AGAP1: variants seen among roughly 807,000 people sequenced by gnomAD.
AGAP1 encodes arf-GAP with GTPase, ANK repeat and PH domain-containing protein 1.
AGAP1 carries 29 observed loss-of-function variants against 105.3 expected under a neutral mutation model. The observed-to-expected ratio is 0.28, with a 90% CI of 0.21 to 0.38. The LOEUF is 0.38. AGAP1 is among the 10% of genes least tolerant of loss of function. The pLI is 1.00. For missense variants in AGAP1, 998 were observed against 1,165.1 expected (o/e 0.86, Z 2.09); for synonymous variants, 509 against 485.9 (o/e 1.05, Z -0.63).
At position 236,039,030 on chromosome 2, in the gene AGAP1, T is replaced by C. The variant is rs369318209; in HGVS notation, c.1801-1721T>C. On this transcript the variant is annotated intron_variant, in intron 14 of 17. Transcript: ENST00000304032. ...ATTATTTCACATCAATTTGATGAGA[T>C]GTTTCAATTTATGAAGAATTCTTAC... 1.5e-3 allele frequency among the ~76,000 whole-genome samples: 235 copies of C among 152,356 alleles called. 2 individuals carry two copies. The highest frequency in any genetic ancestry group is 5.2e-3 in the African/African-American group (218 of 41,584).
chr2:235,932,916 G>A (rs1298186939), intron 12 of AGAP1, among the ~76,000 whole-genome samples: 4 of 152,138 alleles, frequency 2.6e-5, no homozygotes, highest in Non-Finnish European at 4.4e-5. Flanking sequence ...GACTAAAGTC[G>A]CCTACGTTTG....
Position 235,769,250 on chromosome 2 carries a change from C to T in AGAP1, c.673+18762C>T, listed in dbSNP as rs1308819668. On this transcript the variant is annotated intron_variant, in intron 6 of 17. Coordinates refer to ENST00000304032, the MANE Select transcript of AGAP1 (RefSeq NM_001037131.3). The surrounding 1 kb of genome is among the most constrained non-coding windows in gnomAD (Gnocchi z 4.4). Reference sequence around the variant, plus strand: ...TGGCACGGTGCCCTCCAGGAGTACTCCTGGGATTGGTGGCAGGTCATGCAG... The same window carrying T: ...TGGCACGGTGCCCTCCAGGAGTACTTCTGGGATTGGTGGCAGGTCATGCAG... Among the ~76,000 whole-genome samples, 1 of 152,192 alleles carries T rather than the reference C, an allele frequency of 6.6e-6. No individual in the cohort carries two copies.
At position 235,718,300 on chromosome 2, in the gene AGAP1, G is replaced by C. The variant is rs867127706; in HGVS notation, c.310+656G>C. The C allele has an allele frequency of 7.4e-5, 66 of 896,844 alleles. No individual in the cohort carries two copies. In the Admixed American group the frequency reaches 1.1e-3, roughly 14 times the overall value. The allele number at this position is 896,844 out of a possible 1,614,324, so 55.6% of individuals were successfully genotyped here. ...GTTTTCTAAATGAAATTTTCTCTCC[G>C]TGTAACTTTGTTAAATCCAACTCTG... On this transcript the variant is annotated intron_variant, in intron 3 of 17. Transcript: ENST00000304032.
In AGAP1 at chr2:236,129,485, CAG is replaced by C. The variant is rs1385938659; in HGVS notation, c.*5368_*5369del. On this transcript the variant is annotated 3_prime_UTR_variant, in exon 18 of 18. Transcript: ENST00000304032. This position sits in a 1 kb window ranked among gnomAD's most constrained non-coding sequence, Gnocchi z 6.2. ...CTCAGACTGGTCCTTCCGACACAGG[CAG>C]AGAGTGAACTGGATCGCTGGCCCCT... 2.0e-5 allele frequency: 3 copies of C among 152,226 alleles called. No homozygotes were observed. Among genetic ancestry groups the C allele is most frequent in the Non-Finnish European group, 4.4e-5 (3 of 68,070 alleles). 9.4% of individuals were successfully genotyped at this position (152,226 alleles called of 1,614,324 possible). A position where few individuals can be genotyped will look rare whatever the true frequency, so the allele number is the denominator to read the frequency against.
intron 1 of AGAP1, among the ~76,000 whole-genome samples, chr2:235,613,908 G>A (rs765240508): frequency 1.3e-5 from 2 of 152,186 alleles, no homozygotes; most frequent in Non-Finnish European, 2.9e-5. Context: ...TCCATCTGCT[G>A]TGTAGGGGAC....
chr2:235,880,860 C>T (rs1234072476), intron 9 of AGAP1, among the ~76,000 whole-genome samples: 8 of 152,298 alleles, frequency 5.3e-5, no homozygotes, highest in Admixed American at 1.3e-4. Context: ...TGTTTATTAC[C>T]GCATCGCTGA....
intron 16 of AGAP1, among the ~76,000 whole-genome samples, chr2:236,099,467 A>T (rs998341232): frequency 2.4e-4 from 37 of 151,864 alleles, no homozygotes; most frequent in African/African-American, 8.9e-4. Context: ...AAAAAAAAAG[A>T]AAAGAAATAT....
At chr2:235,766,776 C>G (rs1954987979) in intron 6 of AGAP1, among the ~76,000 whole-genome samples, 1 of 152,160 alleles carries the variant, frequency 6.6e-6, no homozygotes. Context: ...GAGTCTGGCT[C>G]TGTCGCCCAG....
Position 235,793,158 on chromosome 2 carries a change from CTCCCAGTGACCAT to C in AGAP1, c.674-4600_674-4588del, listed in dbSNP as rs1957077936. Among the ~76,000 whole-genome samples the C allele has an allele frequency of 2.0e-5, 3 of 152,272 alleles. No individual in the cohort carries two copies. Among genetic ancestry groups the C allele is most frequent in the South Asian group, 4.1e-4 (2 of 4,826 alleles). ...AAGGTGCGACCTAGCCTCTGGACCA[CTCCCAGTGACCAT>C]GGCAATGGCAGGCCCAGCCTAGGGA... On this transcript the variant is annotated intron_variant, in intron 6 of 17. Transcript: ENST00000304032. This position sits in a 1 kb window ranked among gnomAD's most constrained non-coding sequence, Gnocchi z 5.3.
rs888740835 is a variant in AGAP1, at chr2:235,609,384, G to C, written c.164-99795G>C. On this transcript the variant is annotated intron_variant, in intron 1 of 17. Coordinates refer to ENST00000304032, the MANE Select transcript of AGAP1 (RefSeq NM_001037131.3). The surrounding 1 kb of genome is among the most constrained non-coding windows in gnomAD (Gnocchi z 5.1). Reference sequence around the variant, plus strand: ...GGGCAGGGAGAGCTTCAGAATGAGCGGGAAGCCTCCACAACAGGTGGAGAA... The same window carrying C: ...GGGCAGGGAGAGCTTCAGAATGAGCCGGAAGCCTCCACAACAGGTGGAGAA... Among the ~76,000 whole-genome samples, 1 of 152,128 alleles carries C rather than the reference G, an allele frequency of 6.6e-6. No homozygotes were observed. The highest frequency in any genetic ancestry group is 1.5e-5 in the Non-Finnish European group (1 of 68,032).
intron 1 of AGAP1, among the ~76,000 whole-genome samples, chr2:235,504,602 G>A (rs1236733537): frequency 6.6e-6 from 1 of 152,092 alleles, no homozygotes; most frequent in African/African-American, 2.4e-5. Flanking sequence ...GCCTTTTGGT[G>A]CCCATATGGC....
At position 236,040,985 on chromosome 2, in the gene AGAP1, T is replaced by C. The variant is rs2057533107; in HGVS notation, c.1891+144T>C. On this transcript the variant is annotated intron_variant, in intron 15 of 17. Coordinates refer to ENST00000304032, the MANE Select transcript of AGAP1 (RefSeq NM_001037131.3). The surrounding 1 kb of genome is among the most constrained non-coding windows in gnomAD (Gnocchi z 5.6). ...CTTTTAGGAAATTGAGATATTTTGT[T>C]TGGATTTTACCTTAACAGAGTGCCT... 1 of 822,228 alleles carries C rather than the reference T, an allele frequency of 1.2e-6. No individual in the cohort carries two copies. The highest frequency in any genetic ancestry group is 1.9e-6 in the Non-Finnish European group (1 of 522,636). 50.9% of individuals were successfully genotyped at this position (822,228 alleles called of 1,614,324 possible).
In AGAP1 at chr2:235,582,938, C is replaced by G. The variant is rs918059715; in HGVS notation, c.163+88089C>G. Among the ~76,000 whole-genome samples, 8 of 152,210 alleles carry G rather than the reference C, an allele frequency of 5.3e-5. No homozygotes were observed. The highest frequency in any genetic ancestry group is 2.6e-4 in the Admixed American group (4 of 15,288). On this transcript the variant is annotated intron_variant, in intron 1 of 17. Coordinates refer to ENST00000304032, the MANE Select transcript of AGAP1 (RefSeq NM_001037131.3). The surrounding 1 kb of genome is among the most constrained non-coding windows in gnomAD (Gnocchi z 4.7). ...GGGAGGAAGCTTGTAAGGCTGCTTT[C>G]CACTCATTTTATGTTGTTGGGATTT... is the stretch of plus-strand genomic sequence containing the variant.
intron 1 of AGAP1, among the ~76,000 whole-genome samples, chr2:235,575,885 T>C (rs988412194): frequency 6.6e-6 from 1 of 152,172 alleles, no homozygotes; most frequent in Non-Finnish European, 1.5e-5. Flanking sequence ...TTGTCTGCTG[T>C]CGACATCAGA....
At chr2:235,643,632 A>G (rs1297534457) in intron 1 of AGAP1, among the ~76,000 whole-genome samples, 5 of 151,466 alleles carry the variant, frequency 3.3e-5, no homozygotes, top group East Asian at 1.9e-4. Context: ...TGAGCCCCCA[A>G]ACATCTCCCC....
At chr2:235,560,579 C>T (rs564606013) in intron 1 of AGAP1, among the ~76,000 whole-genome samples, 26 of 152,246 alleles carry the variant, frequency 1.7e-4, no homozygotes, top group African/African-American at 6.0e-4. Flanking sequence ...AGAGGAGAGT[C>T]GGGGACTGTG....
chr2:235,503,386 C>A (rs899228923), intron 1 of AGAP1, among the ~76,000 whole-genome samples: 1 of 152,140 alleles, frequency 6.6e-6, no homozygotes. Context: ...TGCTCCTGTT[C>A]TGACGAGACT....
rs1350033569 is a variant in AGAP1, at chr2:235,714,773, A to G, written c.223-2784A>G. On this transcript the variant is annotated intron_variant, in intron 2 of 17. Coordinates refer to ENST00000304032, the MANE Select transcript of AGAP1 (RefSeq NM_001037131.3). This position sits in a 1 kb window ranked among gnomAD's most constrained non-coding sequence, Gnocchi z 4.1. ...TGTCATGCCAAATTTGTTCTCTTAT[A>G]TGTTTGTTTGTTTTCTTTTTTGTTG... 6.6e-6 allele frequency among the ~76,000 whole-genome samples: 1 copy of G among 151,802 alleles called. No individual in the cohort carries two copies. Among genetic ancestry groups the G allele is most frequent in the Non-Finnish European group, 1.5e-5 (1 of 67,958 alleles).
At chr2:235,686,567 A>C (rs1949398578) in intron 1 of AGAP1, among the ~76,000 whole-genome samples, 1 of 107,596 alleles carries the variant, frequency 9.3e-6, no homozygotes, top group Non-Finnish European at 2.0e-5. Context: ...ACACACACAC[A>C]CACACACACA....
Sources: allele counts gnomAD v4.1 joint callset (sites outside exome capture counted in the v4.1 genomes callset), GRCh38; gene constraint gnomAD v4.1.1; non-coding constraint Gnocchi (gnomAD v3.1); transcripts MANE v1.5; gene names NCBI Gene and HGNC (gene_info 2026-07-23, HGNC 2026-07-21).